Variants in CWC27 observed in about 807,000 individuals in gnomAD.
The protein encoded by CWC27 is CWC27 spliceosome associated cyclophilin, also known as spliceosome-associated protein CWC27 homolog.
A neutral mutation model predicts 63.6 loss-of-function variants in CWC27; 47 were observed. The ratio of observed to expected loss-of-function variants is 0.74; its 90% confidence interval spans 0.58 to 0.94. The LOEUF (loss-of-function observed/expected upper bound fraction) is 0.94, where lower values mean the gene tolerates loss of function less well. Among genes scored for constraint, CWC27 ranks in the 40% least tolerant of loss-of-function variants. CWC27 has a pLI of 0.00. For missense variants in CWC27, 495 were observed against 554.3 expected (o/e 0.89, Z 1.07); for synonymous variants, 175 against 179.8 (o/e 0.97, Z 0.22).
chr5:64,795,588 A>G (rs948359399), intron 7 of CWC27, among the ~76,000 whole-genome samples: 1 of 152,094 alleles, frequency 6.6e-6, no homozygotes, highest in African/African-American at 2.4e-5. Flanking sequence ...TTCTATCTTC[A>G]AAGCCAGCAA....
At chr5:64,855,323 C>T (rs1257081169) in intron 10 of CWC27, among the ~76,000 whole-genome samples, 2 of 152,126 alleles carry the variant, frequency 1.3e-5, no homozygotes, top group Non-Finnish European at 2.9e-5. Context: ...TTCTCAGAGA[C>T]TAGTGTTTGC....
At chr5:64,941,489 TATTTATTACAGAAATATAAAAC>T (rs1489364997) in intron 11 of CWC27, among the ~76,000 whole-genome samples, 175 of 152,216 alleles carry the variant, frequency 1.1e-3, no homozygotes, top group Non-Finnish European at 2.0e-3. Flanking sequence ...TACAGAAACA[TATTTATTACAGAAATATAAAAC>T]ATTTATTACA....
chr5:64,962,328 A>C (rs927093071), intron 11 of CWC27, among the ~76,000 whole-genome samples: 5 of 152,262 alleles, frequency 3.3e-5, no homozygotes, highest in African/African-American at 1.2e-4. Context: ...AAAGAAAGAA[A>C]AGGAAAATCA....
intron 11 of CWC27, among the ~76,000 whole-genome samples, chr5:64,894,120 G>T (rs1002845829): frequency 1.3e-5 from 2 of 152,064 alleles, no homozygotes; most frequent in East Asian, 1.9e-4. Context: ...AGTAGAGACG[G>T]GGTTTCACCA....
At chr5:64,895,609 A>G (rs1188632581) in intron 11 of CWC27, among the ~76,000 whole-genome samples, 1 of 152,172 alleles carries the variant, frequency 6.6e-6, no homozygotes, top group East Asian at 1.9e-4. Context: ...CATCCTGACC[A>G]AAAGCTAGTA....
At chr5:64,781,745 T>A (rs1170269215) in intron 2 of CWC27, among the ~76,000 whole-genome samples, 176 bp from the exon 3 acceptor site, 1 of 152,196 alleles carries the variant, frequency 6.6e-6, no homozygotes, top group Non-Finnish European at 1.5e-5. Context: ...TCTGTAGAAA[T>A]GTGTGCTGTT....
intron 10 of CWC27, among the ~76,000 whole-genome samples, chr5:64,849,788 T>C (rs1419170329): frequency 2.6e-5 from 4 of 151,974 alleles, no homozygotes; most frequent in Non-Finnish European, 5.9e-5. Context: ...AGTTTAAAAG[T>C]GTGTGGCAGT....
At chr5:64,866,101 T>A (rs1310810524) in intron 10 of CWC27, among the ~76,000 whole-genome samples, 1 of 152,098 alleles carries the variant, frequency 6.6e-6, no homozygotes, top group African/African-American at 2.4e-5. Context: ...GGAGATTTTT[T>A]AATTAGAGGC....
intron 10 of CWC27, among the ~76,000 whole-genome samples, chr5:64,874,622 A>G (rs1013441205): frequency 6.6e-6 from 1 of 151,936 alleles, no homozygotes; most frequent in African/African-American, 2.4e-5. Flanking sequence ...ACGCACCACC[A>G]TGCCTGTGAT....
chr5:64,772,470 C>CA (rs1039759369), intron 1 of CWC27, among the ~76,000 whole-genome samples: 2 of 148,684 alleles, frequency 1.3e-5, no homozygotes, highest in African/African-American at 2.5e-5. Flanking sequence ...AAAAAAAATG[C>CA]AAAAAAAGTA....
intron 13 of CWC27, among the ~76,000 whole-genome samples, chr5:65,016,142 A>C (rs919593314): frequency 5.3e-5 from 8 of 152,206 alleles, no homozygotes; most frequent in African/African-American, 1.9e-4. Context: ...AGATTGTCTT[A>C]CTTTCAGAAG....
intron 13 of CWC27, among the ~76,000 whole-genome samples, chr5:64,990,561 G>T (rs1313587858): frequency 2.1e-5 from 1 of 46,582 alleles, no homozygotes; most frequent in South Asian, 7.2e-4. Flanking sequence ...CACCGCGCCC[G>T]GCCGAGTTTT....
At chr5:64,885,737 G>GTGTGTGTGTGTT (rs778534933) in intron 11 of CWC27, among the ~76,000 whole-genome samples, 191 bp downstream of exon 11, 210 of 141,590 alleles carry the variant, frequency 1.5e-3, no homozygotes, top group Non-Finnish European at 2.5e-3. Context: ...GTGTGTGTGT[G>GTGTGTGTGTGTT]TTTTTAATAC....
chr5:64,926,864 A>G (rs1748124453), intron 11 of CWC27, among the ~76,000 whole-genome samples: 2 of 152,238 alleles, frequency 1.3e-5, no homozygotes, highest in Admixed American at 1.3e-4. Flanking sequence ...TTCCTAAACA[A>G]TGGTGAGTTT....
chr5:64,898,999 C>T lies in CWC27; in HGVS notation c.1042+13453C>T, dbSNP rs10055298. Reference sequence around the variant, plus strand: ...ATCATATTATACTGAAATCACATGGCCATACCTAGCTGTAAAAAAGGCTGA... The same window carrying T: ...ATCATATTATACTGAAATCACATGGTCATACCTAGCTGTAAAAAAGGCTGA... On this transcript the variant is annotated intron_variant, in intron 11 of 13. Coordinates refer to ENST00000381070, the MANE Select transcript of CWC27 (RefSeq NM_005869.4). Among the ~76,000 whole-genome samples the T allele has an allele frequency of 8.0e-3, 1,220 of 152,182 alleles. 20 individuals carry two copies. The highest frequency in any genetic ancestry group is 0.028 in the African/African-American group (1,174 of 41,506).
At chr5:64,933,485 T>A (rs547752520) in intron 11 of CWC27, among the ~76,000 whole-genome samples, 2 of 151,914 alleles carry the variant, frequency 1.3e-5, no homozygotes, top group Non-Finnish European at 2.9e-5. Context: ...GTACATACAT[T>A]TTTCTTTCTC....
rs116670161 is a variant in CWC27 at position 64,820,682 on chromosome 5, T to G, written c.938+16296T>G. Among the ~76,000 whole-genome samples, 1,220 of 152,152 alleles carry G rather than the reference T, an allele frequency of 8.0e-3. 20 individuals carry two copies. Among genetic ancestry groups the G allele is most frequent in the African/African-American group, 0.028 (1,174 of 41,520 alleles). ...GTACAAAGATAATTGGATTGAAAAA[T>G]GATAGTCCTTTCAACAAATGGTACT... On this transcript the variant is annotated intron_variant, in intron 10 of 13. Coordinates refer to ENST00000381070, the MANE Select transcript of CWC27 (RefSeq NM_005869.4).
chr5:64,840,388 AAAAAAAATATATATATATATATATAT>A lies in CWC27; in HGVS notation c.938+36004_938+36029del, dbSNP rs1561430399. ...AAAAAAAAAAAAAAAAAAAAAAAAAAAAAAAAATATATATATATATATATATATATATATATATATATACTTATTAA... is the reference window on the plus strand; with the variant it reads ...AAAAAAAAAAAAAAAAAAAAAAAAAAATATATATATATATATACTTATTAA... On this transcript the variant is annotated intron_variant, in intron 10 of 13. Coordinates refer to ENST00000381070, the MANE Select transcript of CWC27 (RefSeq NM_005869.4). Among the ~76,000 whole-genome samples, 61 of 45,362 alleles carry A rather than the reference AAAAAAAATATATATATATATATATAT, an allele frequency of 1.3e-3. 7 individuals are homozygous for A. The highest frequency in any genetic ancestry group is 1.6e-3 in the Non-Finnish European group (40 of 24,786). The allele number at this position is 45,362 out of a possible 152,430, so 29.8% of individuals were successfully genotyped here. A position where few individuals can be genotyped will look rare whatever the true frequency, so the allele number is the denominator to read the frequency against.
At chr5:64,966,716 G>A (rs1004827042) in intron 11 of CWC27, among the ~76,000 whole-genome samples, 7 of 152,106 alleles carry the variant, frequency 4.6e-5, no homozygotes, top group Non-Finnish European at 1.0e-4. Context: ...TAGAGGAAAT[G>A]CATGTGCTTT....
Sources: allele counts gnomAD v4.1 joint callset (sites outside exome capture counted in the v4.1 genomes callset), GRCh38; gene constraint gnomAD v4.1.1; transcripts MANE v1.5; gene names NCBI Gene and HGNC (gene_info 2026-07-23, HGNC 2026-07-21).